Variants in ATG13 observed in about 807,000 individuals in gnomAD.
ATG13 encodes autophagy-related protein 13.
ATG13 carries 23 observed loss-of-function variants against 65.5 expected under a neutral mutation model. The ratio of observed to expected loss-of-function variants is 0.35; its 90% confidence interval spans 0.25 to 0.50. The LOEUF (loss-of-function observed/expected upper bound fraction) is 0.50. Ranked by LOEUF, ATG13 falls within the 20% of genes least tolerant of loss-of-function variation. The pLI, the probability that ATG13 is intolerant of heterozygous loss-of-function variation, is 0.98. For synonymous variants in ATG13, 252 were observed against 245.2 expected (o/e 1.03, Z -0.26); for missense variants, 566 against 677.0 (o/e 0.84, Z 1.82).
chr11:46,659,742 A>C (rs1040111787), intron 11 of ATG13: 3 of 338,448 alleles, frequency 8.9e-6, no homozygotes, highest in Admixed American at 9.1e-5. Flanking sequence ...CATCAGTCAC[A>C]GAATTCCAAA....
At chr11:46,656,409 G>A (rs1256865066) in intron 8 of ATG13, 136 bp downstream of exon 8, 1 of 912,734 alleles carries the variant, frequency 1.1e-6, no homozygotes, top group Non-Finnish European at 1.6e-6. Context: ...AGATGAGAAT[G>A]CAGGTAGGTG....
At chr11:46,625,351 C>A (rs139211975) in intron 1 of ATG13, 392 of 144,072 alleles carry the variant, frequency 2.7e-3, no homozygotes, top group African/African-American at 9.8e-3. Flanking sequence ...TCACAGCTCA[C>A]TGCAGCCATA....
chr11:46,635,918 A>G (rs1449453633), intron 2 of ATG13, among the ~76,000 whole-genome samples: 1 of 152,184 alleles, frequency 6.6e-6, no homozygotes, highest in Non-Finnish European at 1.5e-5. Context: ...TAAGGGCAGT[A>G]TAATCCTGCA....
In ATG13 at chr11:46,668,591, G is replaced by A. The variant is rs1365414930; in HGVS notation, c.1329+15G>A. The A allele has an allele frequency of 6.2e-7, 1 of 1,611,578 alleles. No homozygotes were observed. The highest frequency in any genetic ancestry group is 8.5e-7 in the Non-Finnish European group (1 of 1,177,620). On this transcript the variant is annotated intron_variant, in intron 16 of 18. Transcript: ENST00000683050. ...CCGATCCAATGGTGAGCCCACCGTT[G>A]ACTACGAGTTCCCAGTAGATGGTGC...
intron 2 of ATG13, among the ~76,000 whole-genome samples, chr11:46,632,133 A>C (rs988386952): frequency 3.3e-5 from 5 of 152,228 alleles, no homozygotes; most frequent in African/African-American, 1.2e-4. Context: ...ACAGGACAAT[A>C]AGTGTAGATG....
chr11:46,654,621 C>G (rs1228917961), intron 7 of ATG13, among the ~76,000 whole-genome samples: 4 of 151,354 alleles, frequency 2.6e-5, no homozygotes, highest in Non-Finnish European at 5.9e-5. Flanking sequence ...GCTTAGGAGA[C>G]TGAGGTGAGA....
intron 2 of ATG13, among the ~76,000 whole-genome samples, chr11:46,643,341 A>T (rs1460969374): frequency 6.6e-6 from 1 of 152,128 alleles, no homozygotes; most frequent in Non-Finnish European, 1.5e-5. Flanking sequence ...CAAAGAGTAC[A>T]TGACTACTTG....
intron 2 of ATG13, among the ~76,000 whole-genome samples, chr11:46,640,423 G>A (rs995428363): frequency 2.0e-5 from 3 of 152,180 alleles, no homozygotes; most frequent in Non-Finnish European, 4.4e-5. Context: ...TATATCCAAC[G>A]AAGTACTTGT....
intron 11 of ATG13, among the ~76,000 whole-genome samples, chr11:46,663,472 G>C (rs953477126): frequency 6.6e-6 from 1 of 152,030 alleles, no homozygotes. Flanking sequence ...CTGGAATGAC[G>C]TAGGAAGCAT....
intron 8 of ATG13, 126 bp downstream of exon 8, chr11:46,656,399 A>C: frequency 1.0e-6 from 1 of 1,001,072 alleles, no homozygotes; most frequent in Non-Finnish European, 1.5e-6. Context: ...AGTAAAGAAA[A>C]GATGAGAATG....
intron 5 of ATG13, 197 bp from the exon 6 acceptor site, chr11:46,648,940 T>A (rs1484869617): frequency 7.2e-6 from 3 of 418,922 alleles, no homozygotes. Flanking sequence ...ACGTATTTAT[T>A]AAGAAAAAAC....
At chr11:46,627,934 A>G (rs2050288964) in intron 1 of ATG13, among the ~76,000 whole-genome samples, 1 of 151,948 alleles carries the variant, frequency 6.6e-6, no homozygotes, top group Non-Finnish European at 1.5e-5. Context: ...AAATACAAAA[A>G]ATTAGCTGGG....
At chr11:46,621,401 TA>T (rs1356933066) in intron 1 of ATG13, among the ~76,000 whole-genome samples, 2 of 152,180 alleles carry the variant, frequency 1.3e-5, no homozygotes, top group African/African-American at 2.4e-5. Context: ...ACTTCAGAGT[TA>T]GGGGGAAGAG....
chr11:46,657,911 AT>A (rs2060357546), intron 10 of ATG13, among the ~76,000 whole-genome samples: 1 of 152,170 alleles, frequency 6.6e-6, no homozygotes, highest in African/African-American at 2.4e-5. Flanking sequence ...TCTACTAAAA[AT>A]ACAAAAATTA....
In ATG13 at chr11:46,649,200, A is replaced by G; in HGVS notation, c.317+17A>G. The stretch of plus-strand genomic sequence containing the variant: ...GAATGAAAAGTAAGTGCTGCGTCTT[A>G]GGGTCCTTGGTTGTGGTTGCTGAGG... On this transcript the variant is annotated intron_variant, in intron 6 of 18. Coordinates refer to ENST00000683050, the MANE Select transcript of ATG13 (RefSeq NM_001346311.2). The G allele has an allele frequency of 2.5e-6, 4 of 1,610,340 alleles. No individual in the cohort carries two copies. Among genetic ancestry groups the G allele is most frequent in the Non-Finnish European group, 3.4e-6 (4 of 1,177,928 alleles).
Position 46,650,168 on chromosome 11 carries a change from G to T in ATG13, c.318-9G>T, listed in dbSNP as rs760540421. 6.2e-7 allele frequency: 1 copy of T among 1,612,888 alleles called. No individual in the cohort carries two copies. Among genetic ancestry groups the T allele is most frequent in the South Asian group, 1.1e-5 (1 of 90,988 alleles). On this transcript the variant is annotated splice_polypyrimidine_tract_variant and intron_variant, in intron 6 of 18. Coordinates refer to ENST00000683050, the MANE Select transcript of ATG13 (RefSeq NM_001346311.2). ...AGAAGAATGCTGACCATATCTTTGT[G>T]CCTGGCAGGTGTGATAAAGAAATCA...
chr11:46,669,671 C>T (rs2063251386), intron 18 of ATG13, 139 bp downstream of exon 18: 1 of 1,122,134 alleles, frequency 8.9e-7, no homozygotes, highest in Non-Finnish European at 1.2e-6. Flanking sequence ...TTTGATCACT[C>T]TTGAGATTGG....
At chr11:46,669,347 A>G (rs1335543239) in intron 17 of ATG13, 57 bp from the exon 18 acceptor site, 1 of 1,597,670 alleles carries the variant, frequency 6.3e-7, no homozygotes, top group Non-Finnish European at 8.6e-7. Flanking sequence ...ACTTGTTCAT[A>G]GCTTATCTCC....
chr11:46,619,796 G>A lies in ATG13; in HGVS notation c.-70+1906G>A, dbSNP rs556340546. 6.6e-5 allele frequency among the ~76,000 whole-genome samples: 10 copies of A among 151,898 alleles called. No individual in the cohort carries two copies. In the South Asian group the frequency reaches 1.5e-3, roughly 22 times the overall value. On this transcript the variant is annotated intron_variant, in intron 1 of 18. Transcript: ENST00000683050. ...TGTAATCCCAGCACTTTGGGGGGCC[G>A]AGGCAGGCGAATCATGAGGTCAGGA... is the stretch of plus-strand genomic sequence containing the variant.
Sources: allele counts gnomAD v4.1 joint callset (sites outside exome capture counted in the v4.1 genomes callset), GRCh38; gene constraint gnomAD v4.1.1; transcripts MANE v1.5; gene names NCBI Gene and HGNC (gene_info 2026-07-23, HGNC 2026-07-21).